Variants in PRAG1 observed in about 807,000 individuals in gnomAD.
PRAG1 encodes the protein inactive tyrosine-protein kinase PRAG1.
A neutral mutation model predicts 95.6 loss-of-function variants in PRAG1; 110 were observed. The ratio of observed to expected loss-of-function variants is 1.15; its 90% CI spans 0.99 to 1.35. The LOEUF (loss-of-function observed/expected upper bound fraction) is 1.35. PRAG1 is among the 40% of genes most tolerant of loss of function. The probability of loss-of-function intolerance (pLI) is 0.00; values close to 1 mark genes in which losing one functional copy is unlikely to be tolerated. For missense variants in PRAG1, 2,554 were observed against 1,864.7 expected (o/e 1.37, Z -6.81); for synonymous variants, 1,052 against 819.4 (o/e 1.28, Z -4.85).
chr8:8,318,075 G>A lies in PRAG1; in HGVS notation c.*79C>T. The A allele has an allele frequency of 7.1e-7, 1 of 1,403,188 alleles. No individual in the cohort carries two copies. The highest frequency in any genetic ancestry group is 1.4e-5 in the South Asian group (1 of 70,226). 86.9% of individuals were successfully genotyped at this position (1,403,188 alleles called of 1,614,324 possible). On this transcript the variant is annotated 3_prime_UTR_variant, in exon 6 of 6. Coordinates refer to ENST00000615670, the MANE Select transcript of PRAG1 (RefSeq NM_001080826.3). This position sits in a 1 kb window ranked among gnomAD's most constrained non-coding sequence, Gnocchi z 4.2. ...CCAGTCATCTGTACCATTTCCCAGG[G>A]AGACATGGGTGCTTCCAAGGCGAGA...
At chr8:8,373,749 G>T (rs895402722) in intron 3 of PRAG1, among the ~76,000 whole-genome samples, 1 of 152,040 alleles carries the variant, frequency 6.6e-6, no homozygotes, top group Non-Finnish European at 1.5e-5. Flanking sequence ...CACTAAGTCC[G>T]GCCCTTCTTT....
rs577925600 is a variant in PRAG1 at position 8,322,169 on chromosome 8, A to AGTTTT, written c.3073-2872_3073-2868dup. ...TTCGGCCATTTTATTTTATATATAT[A>AGTTTT]GTTTTGTTTTGTTTTGTTTTGTTTT... On this transcript the variant is annotated intron_variant, in intron 5 of 5. Coordinates refer to ENST00000615670, the MANE Select transcript of PRAG1 (RefSeq NM_001080826.3). 5.4e-3 allele frequency among the ~76,000 whole-genome samples: 816 copies of AGTTTT among 152,070 alleles called. 4 individuals are homozygous for AGTTTT. Among genetic ancestry groups the AGTTTT allele is most frequent in the African/African-American group, 0.01 (434 of 41,460 alleles).
chr8:8,382,158 C>T (rs372846260), intron 1 of PRAG1, among the ~76,000 whole-genome samples: 20 of 152,126 alleles, frequency 1.3e-4, no homozygotes, highest in African/African-American at 4.8e-4. Flanking sequence ...GAAGAAATCA[C>T]GTAGGGTTTA....
intron 3 of PRAG1, among the ~76,000 whole-genome samples, chr8:8,350,061 A>G (rs968966074): frequency 1.6e-4 from 24 of 152,142 alleles, no homozygotes; most frequent in Non-Finnish European, 4.4e-5. Flanking sequence ...ATGGAAGTGT[A>G]CCCTGATTAT....
At chr8:8,375,882 G>A (rs759165267) in intron 3 of PRAG1, among the ~76,000 whole-genome samples, 14 of 151,962 alleles carry the variant, frequency 9.2e-5, no homozygotes, top group Non-Finnish European at 1.6e-4. Context: ...TTAAATTAAC[G>A]GAAAATATTC....
intron 5 of PRAG1, among the ~76,000 whole-genome samples, chr8:8,321,269 C>A (rs1271138667): frequency 6.6e-6 from 1 of 152,026 alleles, no homozygotes. Context: ...AATTTTTGTA[C>A]AGACAAGGTT....
intron 3 of PRAG1, among the ~76,000 whole-genome samples, chr8:8,355,508 C>T (rs150479022): frequency 2.2e-4 from 33 of 152,190 alleles, no homozygotes; most frequent in African/African-American, 6.0e-4. Context: ...AGCCTTCATA[C>T]GTCCCGATTT....
rs1363746842 is a variant in PRAG1 at position 8,339,359 on chromosome 8, G to A, written c.2320+119C>T. On this transcript the variant is annotated intron_variant, in intron 4 of 5. Coordinates refer to ENST00000615670, the MANE Select transcript of PRAG1 (RefSeq NM_001080826.3). The stretch of plus-strand genomic sequence containing the variant: ...GCTCCCTGGAAGAGTCTACTTCATT[G>A]AGAAAGCAGGACCAAGACAGTAGTC... 8 of 1,092,552 alleles carry A rather than the reference G, an allele frequency of 7.3e-6. No individual in the cohort carries two copies. The East Asian group carries it at 7.5e-5, about 10-fold the overall frequency. The allele number at this position is 1,092,552 out of a possible 1,614,324, so 67.7% of individuals were successfully genotyped here. A position where few individuals can be genotyped will look rare whatever the true frequency, so the allele number is the denominator to read the frequency against.
intron 3 of PRAG1, among the ~76,000 whole-genome samples, chr8:8,342,612 G>A: frequency 6.6e-6 from 1 of 152,126 alleles, no homozygotes; most frequent in East Asian, 1.9e-4. Context: ...TAAAGATCTG[G>A]TTCTGATAAA....
At chr8:8,339,838 T>C (rs924839624) in intron 3 of PRAG1, among the ~76,000 whole-genome samples, 1 of 151,916 alleles carries the variant, frequency 6.6e-6, no homozygotes, top group Non-Finnish European at 1.5e-5. Flanking sequence ...ACTTCCAGAG[T>C]GTGGTTAGGA....
intron 5 of PRAG1, among the ~76,000 whole-genome samples, chr8:8,321,489 C>T (rs541402312): frequency 2.6e-5 from 4 of 152,306 alleles, no homozygotes; most frequent in African/African-American, 9.6e-5. Context: ...CTTGCATATA[C>T]GCTGTGTTGT....
At chr8:8,354,802 C>T (rs554569464) in intron 3 of PRAG1, among the ~76,000 whole-genome samples, 5 of 152,212 alleles carry the variant, frequency 3.3e-5, no homozygotes, top group Admixed American at 3.3e-4. Flanking sequence ...TTATGAAAAA[C>T]TCACAGCTAA....
intron 4 of PRAG1, among the ~76,000 whole-genome samples, chr8:8,335,851 C>T (rs1411235278): frequency 6.6e-6 from 1 of 152,144 alleles, no homozygotes; most frequent in African/African-American, 2.4e-5. Context: ...GAATTATTTC[C>T]ATTGCTGAAA....
At chr8:8,358,101 C>T (rs1370491168) in intron 3 of PRAG1, among the ~76,000 whole-genome samples, 1 of 152,214 alleles carries the variant, frequency 6.6e-6, no homozygotes. Flanking sequence ...TTTATCTGTG[C>T]TTCTGATCAA....
intron 2 of PRAG1, among the ~76,000 whole-genome samples, chr8:8,379,263 G>T (rs1387447369): frequency 6.6e-6 from 1 of 152,224 alleles, no homozygotes; most frequent in Non-Finnish European, 1.5e-5. Context: ...GAGCCTGTGC[G>T]AGTGGTTGGA....
chr8:8,366,870 G>A (rs1800024999), intron 3 of PRAG1, among the ~76,000 whole-genome samples: 1 of 151,880 alleles, frequency 6.6e-6, no homozygotes, highest in African/African-American at 2.4e-5. Context: ...TTGAGGTAGT[G>A]TCTCGCTATG....
At position 8,381,737 on chromosome 8, in the gene PRAG1, G is replaced by A. The variant is rs772450458; in HGVS notation, c.11C>T (p.Thr4Ile). Residue 4 changes from threonine (T) to isoleucine (I), a missense_variant, in exon 2 of 6, where the codon ACC (threonine) becomes ATC (isoleucine). Coordinates refer to ENST00000615670, the MANE Select transcript of PRAG1 (RefSeq NM_001080826.3). MHQ[T>I]LCLNPESLKM... ...CAGGCTCTCGGGGTTCAGGCAGAGG[G>A]TCTGGTGCATCTTGAGCCGACAGGG... The A allele has an allele frequency of 6.3e-7, 1 of 1,589,018 alleles. No individual in the cohort carries two copies. The highest frequency in any genetic ancestry group is 8.6e-7 in the Non-Finnish European group (1 of 1,163,702).
At position 8,338,689 on chromosome 8, in the gene PRAG1, T is replaced by C. The variant is rs536276195; in HGVS notation, c.2320+789A>G. 5.9e-5 allele frequency among the ~76,000 whole-genome samples: 9 copies of C among 152,332 alleles called. No homozygotes were observed. In the South Asian group the frequency reaches 6.2e-4, roughly 11 times the overall value. On this transcript the variant is annotated intron_variant, in intron 4 of 5. Coordinates refer to ENST00000615670, the MANE Select transcript of PRAG1 (RefSeq NM_001080826.3). ...AGTACCTATTGTTTAGGTAGAATAA[T>C]GTTGCTGACAGTAAATTTGCAATGG...
intron 3 of PRAG1, among the ~76,000 whole-genome samples, chr8:8,342,599 C>T (rs1799209596): frequency 6.6e-6 from 1 of 152,104 alleles, no homozygotes; most frequent in Non-Finnish European, 1.5e-5. Flanking sequence ...TAAATGAGAT[C>T]AGTAAAGATC....
Sources: allele counts gnomAD v4.1 joint callset (sites outside exome capture counted in the v4.1 genomes callset), GRCh38; gene constraint gnomAD v4.1.1; non-coding constraint Gnocchi (gnomAD v3.1); transcripts MANE v1.5; gene names NCBI Gene and HGNC (gene_info 2026-07-23, HGNC 2026-07-21).